Variants in CDHR2 observed in about 807,000 individuals in gnomAD.
The protein encoded by CDHR2 is cadherin-related family member 2.
In CDHR2, 104 loss-of-function variants were observed where a neutral mutation model predicts 138.6. The observed-to-expected ratio is 0.75, with a 90% CI of 0.64 to 0.88. The LOEUF (loss-of-function observed/expected upper bound fraction) is 0.88, where lower values mean the gene tolerates loss of function less well. Ranked by LOEUF, CDHR2 falls within the 40% of genes least tolerant of loss-of-function variation. The pLI, the probability that CDHR2 is intolerant of heterozygous loss-of-function variation, is 0.00. For missense variants in CDHR2, 1,624 were observed against 1,727.6 expected (o/e 0.94, Z 1.06); for synonymous variants, 755 against 742.8 (o/e 1.02, Z -0.27).
rs1298554534 is a variant in CDHR2, at chr5:176,590,673, G to C, written c.3525G>C (p.Val1175=). The change falls in exon 28 of 32, where the codon GTG becomes GTC. Residue 1175 remains valine (V), a synonymous_variant. Transcript: ENST00000261944. ...LVLVIMTMAF[V]CVRKSYNRKL... ...TTGTGATCATGACCATGGCCTTCGT[G>C]TGTGTGCGGAAGAGGTGCGGCTCCC... 1.9e-6 allele frequency: 3 copies of C among 1,613,446 alleles called. No homozygotes were observed. The highest frequency in any genetic ancestry group is 2.5e-6 in the Non-Finnish European group (3 of 1,180,016).
At chr5:176,564,310 C>T (rs1452187440) in intron 1 of CDHR2, among the ~76,000 whole-genome samples, 8 of 152,164 alleles carry the variant, frequency 5.3e-5, no homozygotes, top group Non-Finnish European at 2.9e-5. Context: ...CTCAGACTCC[C>T]GAGTAGCTGG....
chr5:176,565,888 A>G, intron 3 of CDHR2, 145 bp downstream of exon 3: 1 of 648,240 alleles, frequency 1.5e-6, no homozygotes. Context: ...CTTTGATTCC[A>G]GAAGTTTGTT....
upstream of CDHR2, among the ~76,000 whole-genome samples, chr5:176,548,616 G>A (rs986574606): frequency 3.9e-5 from 6 of 152,266 alleles, no homozygotes; most frequent in South Asian, 2.1e-4. Flanking sequence ...GGAGGCCCAC[G>A]CCTGTAATCC....
chr5:176,573,890 AG>A (rs754265867), intron 6 of CDHR2, among the ~76,000 whole-genome samples, 192 bp from the exon 7 acceptor site: 40 of 151,946 alleles, frequency 2.6e-4, no homozygotes, highest in South Asian at 1.7e-3. Context: ...CTGTGTGGGG[AG>A]GGGAGGAGGG....
At chr5:176,565,189 T>C in intron 1 of CDHR2, 149 bp from the exon 2 acceptor site, 3 of 636,760 alleles carry the variant, frequency 4.7e-6, no homozygotes, top group Non-Finnish European at 8.6e-6. Context: ...CTAGAGCATC[T>C]GGAAAATGGA....
chr5:176,593,042 C>T (rs1484952860), intron 31 of CDHR2, among the ~76,000 whole-genome samples: 1 of 152,134 alleles, frequency 6.6e-6, no homozygotes, highest in East Asian at 1.9e-4. Context: ...CATGCAGGGC[C>T]ATTGTGAGGA....
chr5:176,589,385 G>A lies in CDHR2; in HGVS notation c.3064G>A (p.Ala1022Thr). 2 of 1,569,278 alleles carry A rather than the reference G, an allele frequency of 1.3e-6. No individual in the cohort carries two copies. Among genetic ancestry groups the A allele is most frequent in the Non-Finnish European group, 8.7e-7 (1 of 1,156,002 alleles). Residue 1022 changes from alanine (A) to threonine (T), a missense_variant, in exon 23 of 32, where the codon GCC (alanine) becomes ACC (threonine). Transcript: ENST00000261944. ...AGGCACCTACCAAGTGACAGTCCAG[G>A]CCAGGGACAGACCTTCCTTGGGTCC... ...LQGTYQVTVQARDRPSLGPFL... is the reference protein window; with the variant it reads ...LQGTYQVTVQTRDRPSLGPFL...
intron 1 of CDHR2, among the ~76,000 whole-genome samples, chr5:176,564,892 T>C (rs146766131): frequency 1.2e-3 from 188 of 152,198 alleles, no homozygotes; most frequent in African/African-American, 4.5e-3. Flanking sequence ...TACTATTAGT[T>C]TGAACACTTC....
Position 176,584,946 on chromosome 5 carries a change from C to T in CDHR2, c.2665C>T (p.Leu889=), listed in dbSNP as rs773231280. The stretch of plus-strand genomic sequence containing the variant: ...AGCCATCGACTACGAGGCCTGTGAC[C>T]TGGTCACGCTGGTTGTGCGGGCCTG... ...SKAIDYEACD[L]VTLVVRACDL... is the part of the protein sequence containing the mutation. Residue 889 remains leucine, a synonymous_variant, in exon 19 of 32, where the codon CTG becomes TTG. Coordinates refer to ENST00000261944, the MANE Select transcript of CDHR2 (RefSeq NM_017675.6). 2.5e-6 allele frequency: 4 copies of T among 1,579,776 alleles called. No homozygotes were observed. The highest frequency in any genetic ancestry group is 1.8e-5 in the Admixed American group (1 of 54,252).
chr5:176,545,103 C>CT (rs922639365), upstream of CDHR2, among the ~76,000 whole-genome samples: 3 of 151,984 alleles, frequency 2.0e-5, no homozygotes, highest in Non-Finnish European at 4.4e-5. Context: ...GAGAAGTTTT[C>CT]TTTTTTCCTT....
chr5:176,571,336 G>A (rs149235239), intron 6 of CDHR2, 34 bp downstream of exon 6: 2 of 1,497,980 alleles, frequency 1.3e-6, no homozygotes, highest in African/African-American at 2.8e-5. Flanking sequence ...GTGGGGCAGG[G>A]GGCATCCCAA....
intron 1 of CDHR2, among the ~76,000 whole-genome samples, chr5:176,561,950 C>A (rs1420795129): frequency 6.6e-6 from 1 of 152,010 alleles, no homozygotes; most frequent in Admixed American, 6.6e-5. Flanking sequence ...TTGGAGCTGG[C>A]TTTTAAAAAT....
At chr5:176,550,525 C>T (rs75844087) in intron 1 of CDHR2, among the ~76,000 whole-genome samples, 13,370 of 152,302 alleles carry the variant, frequency 0.088, 793 homozygotes, top group Non-Finnish European at 0.14. Flanking sequence ...TGGAGGCAGC[C>T]TGGGTCTAAC....
intron 6 of CDHR2, among the ~76,000 whole-genome samples, chr5:176,572,989 G>C (rs1758271880): frequency 6.6e-6 from 1 of 152,236 alleles, no homozygotes; most frequent in South Asian, 2.1e-4. Context: ...TCAAGGAAGT[G>C]ACTGCAGCGG....
chr5:176,551,697 T>TTC (rs1757707510), intron 1 of CDHR2, among the ~76,000 whole-genome samples: 1 of 87,618 alleles, frequency 1.1e-5, no homozygotes, highest in Non-Finnish European at 2.1e-5. Flanking sequence ...TAGCCAAGAG[T>TTC]TCTCTTTTTT....
In CDHR2 at chr5:176,584,269, C is replaced by T. The variant is rs1487488343; in HGVS notation, c.2128+10C>T. 6.2e-7 allele frequency: 1 copy of T among 1,613,344 alleles called. No homozygotes were observed. Among genetic ancestry groups the T allele is most frequent in the East Asian group, 2.2e-5 (1 of 44,872 alleles). On this transcript the variant is annotated intron_variant, in intron 18 of 31. Coordinates refer to ENST00000261944, the MANE Select transcript of CDHR2 (RefSeq NM_017675.6). ...AAGGAGGAGGATCCAGGTATGTGCT[C>T]CCTGGGCCAGGAGAGACACTGCGGC...
intron 16 of CDHR2, among the ~76,000 whole-genome samples, chr5:176,580,250 C>T (rs187307497): frequency 2.7e-4 from 41 of 152,150 alleles, no homozygotes; most frequent in African/African-American, 8.7e-4. Context: ...CGCTGACGGC[C>T]GGGCATGGTG....
At chr5:176,563,241 G>A (rs992817393) in intron 1 of CDHR2, among the ~76,000 whole-genome samples, 2 of 152,082 alleles carry the variant, frequency 1.3e-5, no homozygotes, top group African/African-American at 2.4e-5. Context: ...CCAGCTACTC[G>A]GGAGGCTGAG....
intron 1 of CDHR2, among the ~76,000 whole-genome samples, chr5:176,554,200 T>C (rs765427148): frequency 6.6e-6 from 1 of 152,152 alleles, no homozygotes; most frequent in African/African-American, 2.4e-5. Context: ...GAAGGTAGCA[T>C]GAGAAACAGC....
Sources: gnomAD v4.1 joint callset for allele counts (sites outside exome capture counted in the v4.1 genomes callset) on GRCh38, gnomAD v4.1.1 for gene constraint, MANE v1.5 for transcripts, NCBI Gene and HGNC (gene_info 2026-07-23, HGNC 2026-07-21) for gene names.